The following MLIP variants were observed in gnomAD, a reference collection of about 807,000 sequenced individuals.
MLIP encodes muscular LMNA-interacting protein.
MLIP carries 79 observed loss-of-function variants against 84.8 expected under a neutral mutation model. That is an observed-to-expected ratio of 0.93 (90% CI 0.78 to 1.12). MLIP has a LOEUF of 1.12. Ranked by LOEUF, MLIP falls within the 50% of genes most tolerant of loss-of-function variation. The pLI, the probability that MLIP is intolerant of heterozygous loss-of-function variation, is 0.00. For missense variants in MLIP, 1,257 were observed against 1,160.6 expected, an observed-to-expected ratio of 1.08 and a Z score of -1.21; for synonymous variants, 504 against 463.0, an observed-to-expected ratio of 1.09 and a Z score of -1.14.
chr6:54,144,090 GC>G (rs1772568457), intron 4 of MLIP, among the ~76,000 whole-genome samples: 1 of 152,076 alleles, frequency 6.6e-6, no homozygotes, highest in Admixed American at 6.6e-5. Flanking sequence ...TCCACCTCTA[GC>G]TTTTCCATTA....
chr6:54,254,762 T>TCCTTC (rs1267220729), intron 12 of MLIP, among the ~76,000 whole-genome samples: 1 of 143,648 alleles, frequency 7.0e-6, no homozygotes, highest in Non-Finnish European at 1.5e-5. Context: ...CTTCCTTCCT[T>TCCTTC]CCTTCCCTTC....
At chr6:54,125,952 T>A (rs936477909) in intron 3 of MLIP, among the ~76,000 whole-genome samples, 2 of 151,702 alleles carry the variant, frequency 1.3e-5, no homozygotes, top group Non-Finnish European at 2.9e-5. Context: ...TCTTCAAGCA[T>A]CTAGTATCTT....
intron 10 of MLIP, among the ~76,000 whole-genome samples, chr6:54,195,246 A>G (rs1778213923): frequency 6.6e-6 from 1 of 152,230 alleles, no homozygotes. Context: ...AGAATTTGCT[A>G]TATGTTGTTT....
intron 11 of MLIP, among the ~76,000 whole-genome samples, chr6:54,229,140 A>C (rs895262133): frequency 6.6e-6 from 1 of 152,216 alleles, no homozygotes; most frequent in African/African-American, 2.4e-5. Flanking sequence ...TCACTCTGTT[A>C]GGTGAATTGA....
intron 2 of MLIP, among the ~76,000 whole-genome samples, chr6:54,122,143 C>G (rs73436341): frequency 0.019 from 2,817 of 151,654 alleles, 95 homozygotes; most frequent in African/African-American, 0.064. Context: ...AAAAGTATCC[C>G]AAGGAAATAT....
chr6:54,232,853 A>T (rs1457555743), intron 12 of MLIP, among the ~76,000 whole-genome samples: 2 of 152,178 alleles, frequency 1.3e-5, no homozygotes, highest in African/African-American at 4.8e-5. Context: ...CCTCTGGAGA[A>T]CCATGCTGAA....
chr6:54,249,734 C>CACACACATAT lies in MLIP; in HGVS notation c.2923-7573_2923-7572insCACACATATA, dbSNP rs145607176. Among the ~76,000 whole-genome samples, 99 of 127,702 alleles carry CACACACATAT rather than the reference C, an allele frequency of 7.8e-4. 1 individual carries two copies. Among genetic ancestry groups the CACACACATAT allele is most frequent in the African/African-American group, 2.6e-3 (90 of 34,522 alleles). 83.8% of individuals were successfully genotyped at this position (127,702 alleles called of 152,430 possible). ...GAACACACACACACACACACACACA[C>CACACACATAT]ATATATATATATACACACACACATA... On this transcript the variant is annotated intron_variant, in intron 12 of 13. Transcript: ENST00000502396.
intron 4 of MLIP, among the ~76,000 whole-genome samples, chr6:54,142,296 A>G (rs1423838024): frequency 1.3e-5 from 2 of 152,210 alleles, no homozygotes; most frequent in African/African-American, 2.4e-5. Context: ...ATCAATAATA[A>G]CCCCTCCAAA....
At position 54,137,167 on chromosome 6, in the gene MLIP, C is replaced by A; in HGVS notation, c.1098C>A (p.Val366=). The part of the protein sequence containing the change: ...LKSNSASYIP[V]RIVTHSLSPS... ...CGAATTCGGCCTCGTACATACCAGT[C>A]CGCATTGTCACGCATTCACTCTCTC... The change falls in exon 4 of 14, where the codon GTC becomes GTA. Residue 366 remains valine, a synonymous_variant. Coordinates refer to ENST00000502396, the MANE Select transcript of MLIP (RefSeq NM_001281747.2). 6.5e-7 allele frequency: 1 copy of A among 1,536,114 alleles called. No homozygotes were observed. Among genetic ancestry groups the A allele is most frequent in the Non-Finnish European group, 8.7e-7 (1 of 1,146,894 alleles).
At chr6:54,185,470 G>A (rs1777297846) in intron 9 of MLIP, among the ~76,000 whole-genome samples, 1 of 152,012 alleles carries the variant, frequency 6.6e-6, no homozygotes, top group Non-Finnish European at 1.5e-5. Context: ...AGGAATTTGG[G>A]GGATTTATAG....
At chr6:54,110,544 C>A (rs934411910), upstream of MLIP, among the ~76,000 whole-genome samples, 1 of 152,124 alleles carries the variant, frequency 6.6e-6, no homozygotes. Flanking sequence ...TCACTTATAG[C>A]AATTATTTTA....
Position 54,137,907 on chromosome 6 carries a change from C to G in MLIP, c.1838C>G (p.Pro613Arg). 1 of 1,536,074 alleles carries G rather than the reference C, an allele frequency of 6.5e-7. No individual in the cohort carries two copies. Among genetic ancestry groups the G allele is most frequent in the Non-Finnish European group, 8.7e-7 (1 of 1,146,894 alleles). The change falls in exon 4 of 14, where the codon CCT becomes CGT. Residue 613 changes from proline (P) to arginine (R), a missense_variant. Physicochemically the swap from Pro to Arg is moderately radical, Grantham distance 103. Coordinates refer to ENST00000502396, the MANE Select transcript of MLIP (RefSeq NM_001281747.2). ...TCTTCTTCAGAGAAATGTTTCCATC[C>G]TTCCCCAGCTCTTTCAAGCCTGATA... ...TFSSSEKCFH[P>R]SPALSSLINR...
chr6:54,084,198 A>T (rs1767341976), intron 1 of MLIP, among the ~76,000 whole-genome samples: 1 of 149,364 alleles, frequency 6.7e-6, no homozygotes, highest in Non-Finnish European at 1.5e-5. Flanking sequence ...TCTCTTTCCT[A>T]ACCTGGCATC....
chr6:54,111,070 C>G (rs994774846), upstream of MLIP, among the ~76,000 whole-genome samples: 2 of 152,194 alleles, frequency 1.3e-5, no homozygotes, highest in African/African-American at 4.8e-5. Flanking sequence ...TGAGCATGAC[C>G]AACTGATTAT....
intron 11 of MLIP, among the ~76,000 whole-genome samples, chr6:54,226,709 T>C (rs576153065): frequency 2.0e-5 from 3 of 151,062 alleles, no homozygotes; most frequent in Admixed American, 2.0e-4. Flanking sequence ...CTCAAGAACA[T>C]CAATATTTTT....
At chr6:54,186,251 C>T (rs1407793692) in intron 9 of MLIP, among the ~76,000 whole-genome samples, 2 of 152,130 alleles carry the variant, frequency 1.3e-5, no homozygotes, top group Non-Finnish European at 2.9e-5. Context: ...GAAATATTTG[C>T]AATTTCAAAA....
intron 1 of MLIP, 150 bp from the exon 2 acceptor site, chr6:54,121,297 A>G (rs1217146187): frequency 1.1e-4 from 76 of 719,334 alleles, no homozygotes; most frequent in Admixed American, 6.4e-5. Flanking sequence ...AACCATTTTT[A>G]TAGGTGTTTA....
intron 1 of MLIP, among the ~76,000 whole-genome samples, chr6:54,115,784 A>T (rs1769863257): frequency 6.6e-6 from 1 of 152,184 alleles, no homozygotes; most frequent in African/African-American, 2.4e-5. Context: ...AGAGAAGAAT[A>T]GTCTGGAAGC....
chr6:54,135,377 A>C (rs567626458), intron 3 of MLIP, among the ~76,000 whole-genome samples: 6 of 152,246 alleles, frequency 3.9e-5, no homozygotes, highest in Non-Finnish European at 7.4e-5. Context: ...TCACATATAA[A>C]AGAAAAGAAT....
Sources: gnomAD v4.1 joint callset for allele counts (sites outside exome capture counted in the v4.1 genomes callset) on GRCh38, gnomAD v4.1.1 for gene constraint, MANE v1.5 for transcripts, NCBI Gene and HGNC (gene_info 2026-07-23, HGNC 2026-07-21) for gene names.